The following CDK6 variants were observed in gnomAD, a reference collection of about 807,000 sequenced individuals.
CDK6 encodes cyclin-dependent kinase 6.
CDK6 carries 6 observed loss-of-function variants against 37.1 expected under a neutral mutation model. The ratio of observed to expected loss-of-function variants is 0.16; its 90% CI spans 0.09 to 0.32. The LOEUF (loss-of-function observed/expected upper bound fraction) is 0.32, where lower values mean the gene tolerates loss of function less well. CDK6 is among the 10% of genes least tolerant of loss of function. CDK6 has a pLI of 1.00. For missense variants in CDK6, 224 were observed against 418.9 expected (o/e 0.53, Z 4.06); for synonymous variants, 160 against 161.3 (o/e 0.99, Z 0.06).
intron 6 of CDK6, among the ~76,000 whole-genome samples, chr7:92,622,431 T>A (rs1327380497): frequency 2.0e-5 from 3 of 152,194 alleles, no homozygotes; most frequent in Non-Finnish European, 2.9e-5. Context: ...CAGTAATAGA[T>A]AACTTTTTAA....
chr7:92,718,160 G>A (rs1798276316), intron 4 of CDK6, among the ~76,000 whole-genome samples: 1 of 152,136 alleles, frequency 6.6e-6, no homozygotes, highest in Non-Finnish European at 1.5e-5. Context: ...ACCCTCCATT[G>A]TTAACTATGA....
At position 92,799,134 on chromosome 7, in the gene CDK6, T is replaced by C. The variant is rs139572726; in HGVS notation, c.234-24303A>G. Reference sequence around the variant, plus strand: ...TTGTCATTCTGCCAGCCACATTCCATGTCCCCCAATTTACTGAATGACAGT... The same window carrying C: ...TTGTCATTCTGCCAGCCACATTCCACGTCCCCCAATTTACTGAATGACAGT... On this transcript the variant is annotated intron_variant, in intron 2 of 7. Transcript: ENST00000424848. Among the ~76,000 whole-genome samples the C allele has an allele frequency of 1.4e-3, 208 of 152,324 alleles. 1 individual carries two copies. The highest frequency in any genetic ancestry group is 4.3e-3 in the African/African-American group (179 of 41,572).
chr7:92,792,127 G>A (rs1395575728), intron 2 of CDK6, among the ~76,000 whole-genome samples: 1 of 152,080 alleles, frequency 6.6e-6, no homozygotes, highest in Non-Finnish European at 1.5e-5. Flanking sequence ...AAAAGCCCAG[G>A]TAAAAAATAT....
rs77978042 is a variant in CDK6 at position 92,732,905 on chromosome 7, G to A, written c.370-7112C>T. On this transcript the variant is annotated intron_variant, in intron 3 of 7. Coordinates refer to ENST00000424848, the MANE Select transcript of CDK6 (RefSeq NM_001145306.2). ...ACATAAAAGGCCAGAGTGTAAACAGGGAAAGAGTCTGGGTCTTTGATGACA... is the reference window on the plus strand; with the variant it reads ...ACATAAAAGGCCAGAGTGTAAACAGAGAAAGAGTCTGGGTCTTTGATGACA... Among the ~76,000 whole-genome samples the A allele has an allele frequency of 7.0e-3, 1,059 of 152,268 alleles. 5 individuals are homozygous for A. The highest frequency in any genetic ancestry group is 0.014 in the Middle Eastern group (4 of 294).
intron 2 of CDK6, among the ~76,000 whole-genome samples, chr7:92,809,812 TCA>T (rs1271159391): frequency 1.3e-5 from 2 of 152,208 alleles, no homozygotes; most frequent in African/African-American, 4.8e-5. Context: ...CCTGAAACTC[TCA>T]GTTTGAACCA....
chr7:92,719,902 TC>T (rs1330600920), intron 4 of CDK6, among the ~76,000 whole-genome samples: 1 of 152,158 alleles, frequency 6.6e-6, no homozygotes, highest in Non-Finnish European at 1.5e-5. Flanking sequence ...CCTTGGGTGG[TC>T]CTTACAGTAT....
intron 4 of CDK6, among the ~76,000 whole-genome samples, chr7:92,672,995 G>T (rs990889935): frequency 6.6e-6 from 1 of 152,166 alleles, no homozygotes; most frequent in African/African-American, 2.4e-5. Context: ...TACAGAATAT[G>T]GTAGACGTAA....
intron 2 of CDK6, among the ~76,000 whole-genome samples, chr7:92,788,448 AT>A (rs1800198715): frequency 1.3e-5 from 2 of 152,250 alleles, no homozygotes; most frequent in African/African-American, 2.4e-5. Flanking sequence ...TCCCTAAACT[AT>A]TTTTTAAAAT....
chr7:92,780,321 C>T (rs1018130921), intron 2 of CDK6, among the ~76,000 whole-genome samples: 2 of 152,122 alleles, frequency 1.3e-5, no homozygotes, highest in Non-Finnish European at 2.9e-5. Context: ...CTGAGCTAAG[C>T]ATGAATTAAA....
chr7:92,821,863 G>A (rs1427256752), intron 2 of CDK6, among the ~76,000 whole-genome samples: 2 of 151,948 alleles, frequency 1.3e-5, no homozygotes, highest in African/African-American at 2.4e-5. Context: ...AGAAGTAATG[G>A]GACAAGGTTC....
intron 4 of CDK6, among the ~76,000 whole-genome samples, chr7:92,688,284 G>C (rs972203665): frequency 6.6e-6 from 1 of 152,140 alleles, no homozygotes; most frequent in Admixed American, 6.5e-5. Flanking sequence ...GAATTAGTGT[G>C]TAGTGGTACT....
intron 5 of CDK6, among the ~76,000 whole-genome samples, chr7:92,623,507 C>G (rs1379716512): frequency 6.6e-6 from 1 of 152,196 alleles, no homozygotes. Flanking sequence ...CAGAGTACTT[C>G]CTCATGGGTC....
At chr7:92,666,150 A>T (rs1585382070) in intron 5 of CDK6, among the ~76,000 whole-genome samples, 2 of 152,356 alleles carry the variant, frequency 1.3e-5, no homozygotes, top group African/African-American at 4.8e-5. Flanking sequence ...ATAAACAACT[A>T]GGATGCGACC....
At position 92,833,055 on chromosome 7, in the gene CDK6, G is replaced by C; in HGVS notation, c.233+36C>G. 6.9e-7 allele frequency: 1 copy of C among 1,439,892 alleles called. No homozygotes were observed. Among genetic ancestry groups the C allele is most frequent in the Non-Finnish European group, 9.4e-7 (1 of 1,063,882 alleles). 89.2% of individuals were successfully genotyped at this position (1,439,892 alleles called of 1,614,324 possible). ...GGCTCGGCCCTCCCCGCGCGCGCGA[G>C]GCCCCAGATGGCGAGGGCGCAGCTC... On this transcript the variant is annotated intron_variant, in intron 2 of 7. Transcript: ENST00000424848. The surrounding 1 kb of genome is among the most constrained non-coding windows in gnomAD (Gnocchi z 6.1).
chr7:92,652,412 C>T (rs1465134244), intron 5 of CDK6, among the ~76,000 whole-genome samples: 2 of 152,028 alleles, frequency 1.3e-5, no homozygotes, highest in Non-Finnish European at 2.9e-5. Context: ...TTTGAATAGC[C>T]TTTCATATAT....
chr7:92,781,665 AT>A (rs1295331425), intron 2 of CDK6, among the ~76,000 whole-genome samples: 2 of 152,026 alleles, frequency 1.3e-5, no homozygotes, highest in African/African-American at 2.4e-5. Context: ...TTCTATGAGG[AT>A]TTTTTTCCGG....
At chr7:92,819,455 G>A (rs1481300865) in intron 2 of CDK6, among the ~76,000 whole-genome samples, 1 of 151,912 alleles carries the variant, frequency 6.6e-6, no homozygotes, top group Non-Finnish European at 1.5e-5. Context: ...TTGTGGTGGT[G>A]GTTAGTAGGT....
chr7:92,832,749 G>A (rs1312125075), intron 2 of CDK6, among the ~76,000 whole-genome samples: 1 of 152,200 alleles, frequency 6.6e-6, no homozygotes, highest in Non-Finnish European at 1.5e-5. Context: ...AGCGGGGCAT[G>A]TCTCAGGTTG....
At chr7:92,759,979 A>G (rs1453658117) in intron 3 of CDK6, among the ~76,000 whole-genome samples, 1 of 152,190 alleles carries the variant, frequency 6.6e-6, no homozygotes, top group East Asian at 1.9e-4. Flanking sequence ...CCAATTCAGC[A>G]TTCATAATAT....
Sources: allele counts gnomAD v4.1 joint callset (sites outside exome capture counted in the v4.1 genomes callset), GRCh38; gene constraint gnomAD v4.1.1; non-coding constraint Gnocchi (gnomAD v3.1); transcripts MANE v1.5; gene names NCBI Gene and HGNC (gene_info 2026-07-23, HGNC 2026-07-21).